SUPT4H1: variants seen among roughly 807,000 people sequenced by gnomAD.
SUPT4H1 encodes transcription elongation factor SPT4.
In SUPT4H1, 12 loss-of-function variants were observed where a neutral mutation model predicts 19.4. That is an observed-to-expected ratio of 0.62 (90% CI 0.40 to 1.00). SUPT4H1 has a LOEUF of 1.00. SUPT4H1 is among the 50% of genes least tolerant of loss of function. The pLI is 0.00. For missense variants in SUPT4H1, 115 were observed against 149.2 expected (o/e 0.77, Z 1.19); for synonymous variants, 58 against 56.3 (o/e 1.03, Z -0.14).
intron 2 of SUPT4H1, among the ~76,000 whole-genome samples, chr17:58,350,837 A>T (rs1392734923): frequency 2.2e-5 from 1 of 44,870 alleles, no homozygotes; most frequent in African/African-American, 6.1e-5. Context: ...AAGTCTGTCC[A>T]AAAAAAAAAA....
chr17:58,347,412 C>T (rs1016526101), intron 3 of SUPT4H1, 117 bp downstream of exon 3: 12 of 1,417,746 alleles, frequency 8.5e-6, no homozygotes, highest in African/African-American at 1.4e-5. Context: ...GTGTTTCCTA[C>T]AACCCGATCT....
chr17:58,347,693 C>T, intron 2 of SUPT4H1, 109 bp from the exon 3 acceptor site: 2 of 1,039,460 alleles, frequency 1.9e-6, no homozygotes, highest in Non-Finnish European at 3.0e-6. Context: ...CACTGGAAAG[C>T]TGGCAAAACT....
intron 2 of SUPT4H1, 127 bp downstream of exon 2, chr17:58,351,271 AAAAC>A: frequency 8.3e-6 from 5 of 606,044 alleles, no homozygotes; most frequent in South Asian, 2.2e-5. Context: ...AAAAAAAAAA[AAAAC>A]CCACACAAAA....
intron 2 of SUPT4H1, among the ~76,000 whole-genome samples, chr17:58,349,431 A>G (rs950135907): frequency 6.6e-6 from 1 of 152,260 alleles, no homozygotes; most frequent in Non-Finnish European, 1.5e-5. Flanking sequence ...GAAGTAGGCT[A>G]ACTTATTATA....
chr17:58,352,139 C>A lies in SUPT4H1; in HGVS notation c.-4G>T, dbSNP rs1360312540. 6.2e-7 allele frequency: 1 copy of A among 1,614,180 alleles called. No individual in the cohort carries two copies. The highest frequency in any genetic ancestry group is 2.2e-5 in the East Asian group (1 of 44,890). The stretch of plus-strand genomic sequence containing the variant: ...TCGGCACCGTCTCCAGGGCCATCTT[C>A]GCCGATGGGAAGAACAACAGGGAGA... On this transcript the variant is annotated 5_prime_UTR_variant, in exon 1 of 5. Coordinates refer to ENST00000225504, the MANE Select transcript of SUPT4H1 (RefSeq NM_003168.3).
rs1443534135 is a variant in SUPT4H1, at chr17:58,352,189, G to A, written c.-54C>T. ...ATAGACGACCACAGCCTGTGCACCC[G>A]CAGGAAGTAAATAGCTCGTTACCCA... On this transcript the variant is annotated 5_prime_UTR_variant, in exon 1 of 5. Coordinates refer to ENST00000225504, the MANE Select transcript of SUPT4H1 (RefSeq NM_003168.3). 10 of 1,562,172 alleles carry A rather than the reference G, an allele frequency of 6.4e-6. No homozygotes were observed. Among genetic ancestry groups the A allele is most frequent in the South Asian group, 3.3e-5 (3 of 89,764 alleles).
intron 2 of SUPT4H1, among the ~76,000 whole-genome samples, chr17:58,348,182 C>T (rs947133200): frequency 6.6e-6 from 1 of 152,172 alleles, no homozygotes; most frequent in African/African-American, 2.4e-5. Flanking sequence ...TCCTAATAGT[C>T]CTTCCCAGGT....
In SUPT4H1 at chr17:58,347,182, T is replaced by C. The variant is rs1478796747; in HGVS notation, c.286+6A>G. ...AATGAACATTGGCTGTTATGATTAT[T>C]ATTACCTTGGGGCAGGCGACCAGTG... On this transcript the variant is annotated splice_donor_region_variant and intron_variant, in intron 4 of 4. Transcript: ENST00000225504. 1.9e-6 allele frequency: 3 copies of C among 1,613,810 alleles called. No individual in the cohort carries two copies. The highest frequency in any genetic ancestry group is 2.2e-5 in the East Asian group (1 of 44,884).
chr17:58,347,603 T>C lies in SUPT4H1; in HGVS notation c.177-19A>G. 1.9e-6 allele frequency: 3 copies of C among 1,613,900 alleles called. No individual in the cohort carries two copies. The highest frequency in any genetic ancestry group is 2.5e-6 in the Non-Finnish European group (3 of 1,179,802). Reference sequence around the variant, plus strand: ...AATGATTCTAGGGAGGGAAAAGAAATGGAGAGTCAGCCTGAGCCTCCCTGG... The same window carrying C: ...AATGATTCTAGGGAGGGAAAAGAAACGGAGAGTCAGCCTGAGCCTCCCTGG... On this transcript the variant is annotated intron_variant, in intron 2 of 4. Coordinates refer to ENST00000225504, the MANE Select transcript of SUPT4H1 (RefSeq NM_003168.3).
At chr17:58,346,413 G>A (rs1273784324) in intron 4 of SUPT4H1, 100 bp from the exon 5 acceptor site, 12 of 926,336 alleles carry the variant, frequency 1.3e-5, no homozygotes, top group Non-Finnish European at 2.1e-5. Context: ...GCAAACTGGA[G>A]TTCCTAGACT....
Position 58,347,194 on chromosome 17 carries a change from G to A in SUPT4H1, c.280C>T (p.Pro94Ser). The change falls in exon 4 of 5, where the codon CCC becomes TCC. Residue 94 changes from proline (P) to serine (S), a missense_variant. Pro to Ser is a moderately conservative substitution (Grantham distance 74). Coordinates refer to ENST00000225504, the MANE Select transcript of SUPT4H1 (RefSeq NM_003168.3). ...CTGTTATGATTATTATTACCTTGGG[G>A]CAGGCGACCAGTGACTGACACCGCA... is the stretch of plus-strand genomic sequence containing the variant. ...VYAVSVTGRLPQGIVRELKSR... is the reference protein window; with the variant it reads ...VYAVSVTGRLSQGIVRELKSR... The A allele has an allele frequency of 6.2e-7, 1 of 1,614,054 alleles. No individual in the cohort carries two copies. Among genetic ancestry groups the A allele is most frequent in the Non-Finnish European group, 8.5e-7 (1 of 1,179,932 alleles).
At chr17:58,346,452 C>G in intron 4 of SUPT4H1, 139 bp from the exon 5 acceptor site, 1 of 685,066 alleles carries the variant, frequency 1.5e-6, no homozygotes, top group South Asian at 1.6e-5. Context: ...TGGCCAGGCA[C>G]GGTGGCTCAT....
At chr17:58,350,240 G>A (rs1003086697) in intron 2 of SUPT4H1, among the ~76,000 whole-genome samples, 1 of 151,568 alleles carries the variant, frequency 6.6e-6, no homozygotes, top group Non-Finnish European at 1.5e-5. Flanking sequence ...GCAGCCGGGC[G>A]CTGTGGCTCA....
At chr17:58,347,098 A>G in intron 4 of SUPT4H1, 90 bp downstream of exon 4, 1 of 1,328,454 alleles carries the variant, frequency 7.5e-7, no homozygotes. Context: ...GCTGAACCTC[A>G]TAGAATGTGA....
rs569909201 is a variant in SUPT4H1 at position 58,345,812 on chromosome 17, G to C, written c.*434C>G. On this transcript the variant is annotated 3_prime_UTR_variant, in exon 5 of 5. Transcript: ENST00000225504. ...CAATCCCAGAGGCTGAGACAGTCAAGAGGGAGTAGAAGGGCCTCTGCTGCT... is the reference window on the plus strand; with the variant it reads ...CAATCCCAGAGGCTGAGACAGTCAACAGGGAGTAGAAGGGCCTCTGCTGCT... 6.4e-6 allele frequency: 1 copy of C among 157,216 alleles called. No individual in the cohort carries two copies. Among genetic ancestry groups the C allele is most frequent in the East Asian group, 1.9e-4 (1 of 5,304 alleles). The allele number at this position is 157,216 out of a possible 1,614,324, so 9.7% of individuals were successfully genotyped here.
chr17:58,346,036 C>T lies in SUPT4H1; in HGVS notation c.*210G>A. 1 of 530,690 alleles carries T rather than the reference C, an allele frequency of 1.9e-6. No homozygotes were observed. Among genetic ancestry groups the T allele is most frequent in the Non-Finnish European group, 3.4e-6 (1 of 293,438 alleles). The allele number at this position is 530,690 out of a possible 1,614,324, so 32.9% of individuals were successfully genotyped here. A position where few individuals can be genotyped will look rare whatever the true frequency, so the allele number is the denominator to read the frequency against. Reference sequence around the variant, plus strand: ...CAGCATCCTACTCTCTCCTCAATTCCATCTGTTAATCCACCAACCCAAATC... The same window carrying T: ...CAGCATCCTACTCTCTCCTCAATTCTATCTGTTAATCCACCAACCCAAATC... On this transcript the variant is annotated 3_prime_UTR_variant, in exon 5 of 5. Transcript: ENST00000225504.
intron 2 of SUPT4H1, among the ~76,000 whole-genome samples, chr17:58,349,105 T>C (rs991485394): frequency 2.0e-5 from 3 of 152,142 alleles, no homozygotes; most frequent in Non-Finnish European, 4.4e-5. Context: ...GCACTGTTGG[T>C]GGGAATGGAA....
At position 58,345,568 on chromosome 17, in the gene SUPT4H1, A is replaced by G. The variant is rs752888939; in HGVS notation, c.*678T>C. On this transcript the variant is annotated 3_prime_UTR_variant, in exon 5 of 5. Transcript: ENST00000225504. Reference sequence around the variant, plus strand: ...GCCTAAGGTATAGGAAGAGCCGTGAAGAGAAGAAAATAGACAAGCAGGGGA... The same window carrying G: ...GCCTAAGGTATAGGAAGAGCCGTGAGGAGAAGAAAATAGACAAGCAGGGGA... The G allele has an allele frequency of 9.2e-5, 14 of 152,282 alleles. No homozygotes were observed. The highest frequency in any genetic ancestry group is 3.1e-4 in the African/African-American group (13 of 41,386). 9.4% of individuals were successfully genotyped at this position (152,282 alleles called of 1,614,324 possible).
At chr17:58,349,843 G>A (rs1455569165) in intron 2 of SUPT4H1, among the ~76,000 whole-genome samples, 2 of 152,202 alleles carry the variant, frequency 1.3e-5, no homozygotes, top group African/African-American at 4.8e-5. Flanking sequence ...AATTCATAGA[G>A]ACAAAGCATG....
Sources: gnomAD v4.1 joint callset for allele counts (sites outside exome capture counted in the v4.1 genomes callset) on GRCh38, gnomAD v4.1.1 for gene constraint, MANE v1.5 for transcripts, NCBI Gene and HGNC (gene_info 2026-07-23, HGNC 2026-07-21) for gene names.